The following AK8 variants were observed in gnomAD, a reference collection of about 807,000 sequenced individuals.
AK8 encodes the protein adenylate kinase 8.
Under a neutral mutation model 54.6 loss-of-function variants are expected in AK8, and 44 were observed. That is an observed-to-expected ratio of 0.81 (90% confidence interval 0.63 to 1.04). The LOEUF (loss-of-function observed/expected upper bound fraction) is 1.04, where lower values mean the gene tolerates loss of function less well. AK8 is among the 50% of genes least tolerant of loss of function. The pLI is 0.00. For synonymous variants in AK8, 239 were observed against 245.6 expected (o/e 0.97, Z 0.25); for missense variants, 555 against 613.6 (o/e 0.90, Z 1.01).
At chr9:132,845,636 C>G (rs937357361) in intron 5 of AK8, among the ~76,000 whole-genome samples, 9 of 152,112 alleles carry the variant, frequency 5.9e-5, no homozygotes, top group Non-Finnish European at 1.2e-4. Flanking sequence ...TAAAAATTAG[C>G]CGGGCATGGT....
intron 3 of AK8, among the ~76,000 whole-genome samples, chr9:132,865,017 G>T (rs1476030382): frequency 1.3e-5 from 2 of 152,206 alleles, no homozygotes; most frequent in East Asian, 1.9e-4. Flanking sequence ...CTAGTTTTTT[G>T]GGGCTCTGCT....
In AK8 at chr9:132,814,708, C is replaced by G. The variant is rs1841238660; in HGVS notation, c.909G>C (p.Leu303=). ...TGGTCCTATCTGCCACAGCCTCTTTCAGCAGTTGCCCACAGCAGACTGAAG... is the reference window on the plus strand; with the variant it reads ...TGGTCCTATCTGCCACAGCCTCTTTGAGCAGTTGCCCACAGCAGACTGAAG... The part of the protein sequence containing the change: ...RLVNVCCGQL[L]KEAVADRTTF... Residue 303 remains leucine (L), a synonymous_variant, in exon 10 of 13, where the codon CTG becomes CTC. Transcript: ENST00000298545. 6.2e-7 allele frequency: 1 copy of G among 1,613,928 alleles called. No individual in the cohort carries two copies. The highest frequency in any genetic ancestry group is 8.5e-7 in the Non-Finnish European group (1 of 1,180,000).
At chr9:132,877,730 A>G (rs529335199) in intron 1 of AK8, 47 of 406,452 alleles carry the variant, frequency 1.2e-4, no homozygotes, top group African/African-American at 9.3e-4. Flanking sequence ...TGCCAGCTTG[A>G]ACTCGGACAA....
chr9:132,814,541 C>T, intron 10 of AK8, 97 bp downstream of exon 10: 1 of 1,232,206 alleles, frequency 8.1e-7, no homozygotes. Context: ...GGCTGTTCTC[C>T]CCAATTTTGA....
intron 3 of AK8, 58 bp downstream of exon 3, chr9:132,866,846 A>G (rs934932893): frequency 1.6e-5 from 25 of 1,525,672 alleles, no homozygotes; most frequent in African/African-American, 2.7e-5. Context: ...GTCTCATTCC[A>G]GCTCTGGAGG....
At chr9:132,759,023 C>T (rs573774364) in intron 11 of AK8, among the ~76,000 whole-genome samples, 1 of 151,542 alleles carries the variant, frequency 6.6e-6, no homozygotes, top group Non-Finnish European at 1.5e-5. Flanking sequence ...AACGGCAAAA[C>T]CCTGTCTCTA....
At position 132,840,468 on chromosome 9, in the gene AK8, A is replaced by G. The variant is rs117376079; in HGVS notation, c.403-11742T>C. ...CACACAAGGCAAGTGAACAGGCATG[A>G]GGAAGGCAGTCTGCAGCTGGCTCGG... On this transcript the variant is annotated intron_variant, in intron 5 of 12. Transcript: ENST00000298545. 6.8e-3 allele frequency among the ~76,000 whole-genome samples: 1,038 copies of G among 151,948 alleles called. 10 individuals carry two copies. Among genetic ancestry groups the G allele is most frequent in the Middle Eastern group, 0.017 (5 of 294 alleles).
intron 11 of AK8, among the ~76,000 whole-genome samples, chr9:132,741,117 C>A (rs1590178612): frequency 1.3e-5 from 2 of 152,210 alleles, no homozygotes; most frequent in Non-Finnish European, 2.9e-5. Context: ...GCAAGCCCAG[C>A]CAGTCTGTGC....
chr9:132,784,567 G>T (rs983625389), intron 11 of AK8, among the ~76,000 whole-genome samples: 6 of 152,030 alleles, frequency 3.9e-5, no homozygotes, highest in Non-Finnish European at 4.4e-5. Flanking sequence ...AAGAAAGAAA[G>T]AGAAGGAAAG....
chr9:132,809,182 A>G (rs1336576839), intron 10 of AK8, among the ~76,000 whole-genome samples: 2 of 152,172 alleles, frequency 1.3e-5, no homozygotes, highest in African/African-American at 4.8e-5. Flanking sequence ...GATATCTGAA[A>G]CAGACCTAGG....
intron 11 of AK8, among the ~76,000 whole-genome samples, chr9:132,778,768 A>G (rs1172611791): frequency 1.3e-5 from 2 of 152,226 alleles, no homozygotes; most frequent in Non-Finnish European, 2.9e-5. Context: ...AAAATTGGAC[A>G]TAATTGAAAC....
At chr9:132,782,631 G>T (rs560097711) in intron 11 of AK8, among the ~76,000 whole-genome samples, 1 of 152,202 alleles carries the variant, frequency 6.6e-6, no homozygotes, top group South Asian at 2.1e-4. Flanking sequence ...GGAGGTTGTA[G>T]TGAGCCAAGA....
Position 132,823,233 on chromosome 9 carries a change from G to A in AK8, c.861C>T (p.Leu287=), listed in dbSNP as rs1841726668. 1 of 1,599,180 alleles carries A rather than the reference G, an allele frequency of 6.3e-7. No homozygotes were observed. Among genetic ancestry groups the A allele is most frequent in the Non-Finnish European group, 8.5e-7 (1 of 1,173,340 alleles). ...VGSGKSLQAA[L]LAQKYRLVNV... ...TGACAAGCCTGTATTTCTGGGCCAGGAGGGCGGCCTGCAGACTTTTCCCAC... is the reference window on the plus strand; with the variant it reads ...TGACAAGCCTGTATTTCTGGGCCAGAAGGGCGGCCTGCAGACTTTTCCCAC... The change falls in exon 9 of 13, where the codon CTC becomes CTT. Residue 287 remains leucine, a synonymous_variant. Transcript: ENST00000298545.
chr9:132,728,471 CAA>C (rs1836678013), intron 11 of AK8, among the ~76,000 whole-genome samples: 1 of 152,220 alleles, frequency 6.6e-6, no homozygotes, highest in Admixed American at 6.5e-5. Context: ...TCAGTTACCC[CAA>C]CTACAAAATG....
intron 2 of AK8, among the ~76,000 whole-genome samples, chr9:132,869,608 C>T (rs1843729195): frequency 1.3e-5 from 2 of 152,228 alleles, no homozygotes; most frequent in African/African-American, 2.4e-5. Flanking sequence ...ATTCAGCGGC[C>T]CTTTCTCTGT....
intron 5 of AK8, among the ~76,000 whole-genome samples, chr9:132,848,115 CAAAAAAAAAAAAAAAAA>C (rs796764891): frequency 0.012 from 616 of 52,564 alleles, 18 homozygotes; most frequent in African/African-American, 0.041. Flanking sequence ...CACCCTGTTT[CAAAAAAAAAAAAAAAAA>C]AAAAAAAAAA....
At chr9:132,739,483 A>AAAAT in intron 11 of AK8, among the ~76,000 whole-genome samples, 1 of 103,308 alleles carries the variant, frequency 9.7e-6, no homozygotes, top group South Asian at 3.3e-4. Context: ...AAAAAAAAAG[A>AAAAT]TTGTTCCTGC....
chr9:132,837,397 G>T lies in AK8; in HGVS notation c.403-8671C>A, dbSNP rs1842370178. On this transcript the variant is annotated intron_variant, in intron 5 of 12. Coordinates refer to ENST00000298545, the MANE Select transcript of AK8 (RefSeq NM_152572.3). The surrounding 1 kb of genome is among the most constrained non-coding windows in gnomAD (Gnocchi z 4.3). ...TCTGCCCTTCTGCTGTGGGTGCCCTGCTAGCTCTCGGGAGCAGACGTGGCA... is the reference window on the plus strand; with the variant it reads ...TCTGCCCTTCTGCTGTGGGTGCCCTTCTAGCTCTCGGGAGCAGACGTGGCA... Among the ~76,000 whole-genome samples, 1 of 151,718 alleles carries T rather than the reference G, an allele frequency of 6.6e-6. No individual in the cohort carries two copies. The highest frequency in any genetic ancestry group is 1.5e-5 in the Non-Finnish European group (1 of 67,980).
At position 132,830,561 on chromosome 9, in the gene AK8, T is replaced by C. The variant is rs545212453; in HGVS notation, c.403-1835A>G. ...TTTGTTAGCTATTTGGATTTTTTTT[T>C]CTTTTCCAAAATGTCCATTTGTGTC... is the stretch of plus-strand genomic sequence containing the variant. On this transcript the variant is annotated intron_variant, in intron 5 of 12. Transcript: ENST00000298545. Among the ~76,000 whole-genome samples, 3 of 152,362 alleles carry C rather than the reference T, an allele frequency of 2.0e-5. No homozygotes were observed. The East Asian group carries it at 5.8e-4, about 29-fold the overall frequency.
Sources: gnomAD v4.1 joint callset for allele counts (sites outside exome capture counted in the v4.1 genomes callset) on GRCh38, gnomAD v4.1.1 for gene constraint, Gnocchi (gnomAD v3.1) non-coding constraint, MANE v1.5 for transcripts, NCBI Gene and HGNC (gene_info 2026-07-23, HGNC 2026-07-21) for gene names.